Variants in LRGUK observed in about 807,000 individuals in gnomAD.
The protein encoded by LRGUK is leucine rich repeats and guanylate kinase domain containing, also known as leucine-rich repeat and guanylate kinase domain-containing protein.
A neutral mutation model predicts 76.0 loss-of-function variants in LRGUK; 65 were observed. The ratio of observed to expected loss-of-function variants is 0.85; its 90% CI spans 0.70 to 1.05. The LOEUF is 1.05. Ranked by LOEUF, LRGUK falls within the 50% of genes least tolerant of loss-of-function variation. The pLI is 0.00. For synonymous variants in LRGUK, 268 were observed against 265.6 expected (o/e 1.01, Z -0.09); for missense variants, 758 against 732.8 (o/e 1.03, Z -0.40).
At position 134,224,447 on chromosome 7, in the gene LRGUK, T is replaced by C. The variant is rs897303229; in HGVS notation, c.1983+2529T>C. Among the ~76,000 whole-genome samples the C allele has an allele frequency of 9.2e-5, 14 of 152,256 alleles. 1 individual carries two copies. In the East Asian group the frequency reaches 1.5e-3, roughly 17 times the overall value. On this transcript the variant is annotated intron_variant, in intron 16 of 19. Coordinates refer to the LRGUK transcript ENST00000285928. The stretch of plus-strand genomic sequence containing the variant: ...GAGGCCATTATCCTTAGTAAACCGA[T>C]GCAGGATCAGAAAACCAAGTACCAC...
At chr7:134,152,678 T>A (rs192262399) in intron 5 of LRGUK, among the ~76,000 whole-genome samples, 145 of 152,214 alleles carry the variant, frequency 9.5e-4, no homozygotes, top group Non-Finnish European at 1.6e-3. Flanking sequence ...CAATTTTATA[T>A]TGTCATATAA....
intron 12 of LRGUK, among the ~76,000 whole-genome samples, chr7:134,195,160 C>G (rs971756555): frequency 1.3e-5 from 2 of 152,068 alleles, no homozygotes; most frequent in Non-Finnish European, 2.9e-5. Flanking sequence ...GCCAGCTGAT[C>G]CATCAAGTGC....
At chr7:134,232,364 T>C (rs1801922427) in intron 16 of LRGUK, among the ~76,000 whole-genome samples, 1 of 152,132 alleles carries the variant, frequency 6.6e-6, no homozygotes, top group African/African-American at 2.4e-5. Flanking sequence ...CTGCAACCTC[T>C]GCCTCCTGGG....
At chr7:134,148,184 C>A in intron 4 of LRGUK, 54 bp from the exon 5 acceptor site, 1 of 1,146,610 alleles carries the variant, frequency 8.7e-7, no homozygotes, top group Non-Finnish European at 1.3e-6. Context: ...ATTATTGTGG[C>A]AAACATGAAA....
At chr7:134,207,490 C>T (rs545936261) in intron 15 of LRGUK, among the ~76,000 whole-genome samples, 39 of 152,330 alleles carry the variant, frequency 2.6e-4, no homozygotes, top group African/African-American at 8.9e-4. Flanking sequence ...AGGACACCCC[C>T]TCAGAAACTG....
intron 10 of LRGUK, 140 bp downstream of exon 10, chr7:134,178,749 A>G (rs1799597711): frequency 3.6e-6 from 2 of 548,574 alleles, no homozygotes; most frequent in Non-Finnish European, 6.4e-6. Flanking sequence ...GAAGGGGCCA[A>G]GTCTTTATTT....
At chr7:134,160,149 TAAAC>T (rs559440965) in intron 6 of LRGUK, among the ~76,000 whole-genome samples, 283 of 152,324 alleles carry the variant, frequency 1.9e-3, no homozygotes, top group African/African-American at 6.4e-3. Context: ...TGGAGCATGG[TAAAC>T]AGACAAAGAT....
chr7:134,130,920 T>C (rs1480439782), intron 1 of LRGUK, among the ~76,000 whole-genome samples: 1 of 152,236 alleles, frequency 6.6e-6, no homozygotes, highest in African/African-American at 2.4e-5. Flanking sequence ...ACTTAAAGAA[T>C]TGTGAGAATT....
exon 8 of LRGUK, chr7:134,174,613 A>C: frequency 5.0e-6 from 8 of 1,601,578 alleles, no homozygotes; most frequent in Non-Finnish European, 6.8e-6. Context: ...TCGAGTTCTC[A>C]ATCTTCTAGA....
intron 1 of LRGUK, among the ~76,000 whole-genome samples, chr7:134,136,060 G>A (rs754050217): frequency 1.6e-4 from 25 of 152,306 alleles, no homozygotes; most frequent in Middle Eastern, 3.4e-3. Context: ...TTAGAAAAAG[G>A]GTATTTTGCC....
intron 12 of LRGUK, among the ~76,000 whole-genome samples, chr7:134,194,769 T>C (rs1800411529): frequency 6.6e-6 from 1 of 152,008 alleles, no homozygotes; most frequent in African/African-American, 2.4e-5. Context: ...GTGTAAGAAA[T>C]TGGCACACAT....
intron 4 of LRGUK, among the ~76,000 whole-genome samples, chr7:134,147,954 G>C (rs364445): frequency 0.99 from 150,747 of 151,844 alleles, 74,844 homozygotes; most frequent in East Asian, 1. Flanking sequence ...CCCAGCTACT[G>C]GGGAGGCTGA....
At chr7:134,154,998 G>A (rs1457246746) in intron 5 of LRGUK, among the ~76,000 whole-genome samples, 1 of 152,048 alleles carries the variant, frequency 6.6e-6, no homozygotes, top group African/African-American at 2.4e-5. Flanking sequence ...ACTTCCTGAG[G>A]CAGATACCCA....
In LRGUK at chr7:134,217,946, T is replaced by C. The variant is rs1330269509; in HGVS notation, c.1844-3833T>C. Among the ~76,000 whole-genome samples the C allele has an allele frequency of 3.3e-5, 5 of 152,218 alleles. No individual in the cohort carries two copies. The East Asian group carries it at 7.7e-4, about 24-fold the overall frequency. On this transcript the variant is annotated intron_variant, in intron 15 of 19. Transcript: ENST00000285928. ...TGTTTAAAAAAAAACCCTCACTATATGGTTTTGTTGTTGCTGTTGTTGTTT... is the reference window on the plus strand; with the variant it reads ...TGTTTAAAAAAAAACCCTCACTATACGGTTTTGTTGTTGCTGTTGTTGTTT...
the LRGUK span, among the ~76,000 whole-genome samples, chr7:134,275,798 T>A: frequency 6.6e-6 from 1 of 152,216 alleles, no homozygotes; most frequent in African/African-American, 2.4e-5. Flanking sequence ...TGTGTGTATT[T>A]ATGTATTTTT....
intron 18 of LRGUK, 70 bp from the exon 19 acceptor site, chr7:134,258,187 A>G (rs940410473): frequency 5.7e-6 from 9 of 1,587,112 alleles, no homozygotes; most frequent in Non-Finnish European, 7.8e-6. Context: ...AGTCATAGGC[A>G]TAGATCGTGT....
At chr7:134,184,372 C>T (rs900849743) in intron 11 of LRGUK, among the ~76,000 whole-genome samples, 1 of 151,532 alleles carries the variant, frequency 6.6e-6, no homozygotes, top group Non-Finnish European at 1.5e-5. Flanking sequence ...CGGGTTCATA[C>T]CATTCTCCTG....
chr7:134,147,477 G>A (rs1798024077), intron 4 of LRGUK, among the ~76,000 whole-genome samples: 1 of 151,740 alleles, frequency 6.6e-6, no homozygotes. Flanking sequence ...AGTAGCATGG[G>A]ACAATATATG....
chr7:134,150,302 CAAAAA>C (rs1195990806), intron 5 of LRGUK, among the ~76,000 whole-genome samples: 1 of 145,388 alleles, frequency 6.9e-6, no homozygotes, highest in Non-Finnish European at 1.5e-5. Flanking sequence ...CAAAAAAAAA[CAAAAA>C]AAAAATTAGC....
Sources: gnomAD v4.1 joint callset for allele counts (sites outside exome capture counted in the v4.1 genomes callset) on GRCh38, gnomAD v4.1.1 for gene constraint, MANE v1.5 for transcripts, NCBI Gene and HGNC (gene_info 2026-07-23, HGNC 2026-07-21) for gene names.